FSTL4: variants seen among roughly 807,000 people sequenced by gnomAD.
FSTL4 encodes follistatin-related protein 4.
FSTL4 carries 28 observed loss-of-function variants against 78.2 expected under a neutral mutation model. That is an observed-to-expected ratio of 0.36 (90% CI 0.27 to 0.49). The LOEUF (loss-of-function observed/expected upper bound fraction) is 0.49, where lower values mean the gene tolerates loss of function less well. FSTL4 is among the 20% of genes least tolerant of loss of function. FSTL4 has a pLI of 0.98. For synonymous variants in FSTL4, 422 were observed against 440.5 expected (o/e 0.96, Z 0.53); for missense variants, 922 against 1,084.9 (o/e 0.85, Z 2.11).
At chr5:133,768,287 G>T in the FSTL4 span, among the ~76,000 whole-genome samples, 1 of 152,166 alleles carries the variant, frequency 6.6e-6, no homozygotes. Context: ...TGAACCTCAA[G>T]TGTATACATT....
the FSTL4 span, among the ~76,000 whole-genome samples, chr5:133,802,393 C>G: frequency 6.6e-6 from 1 of 152,192 alleles, no homozygotes; most frequent in African/African-American, 2.4e-5. Context: ...TATCTTCAGA[C>G]ACAGTATCCA....
At chr5:133,592,762 G>A (rs748056845) in intron 2 of FSTL4, among the ~76,000 whole-genome samples, 5 of 151,960 alleles carry the variant, frequency 3.3e-5, no homozygotes, top group East Asian at 1.9e-4. Flanking sequence ...CTCTGTTACC[G>A]TGTGATCTCT....
intron 3 of FSTL4, among the ~76,000 whole-genome samples, chr5:133,406,638 T>G (rs1303346945): frequency 6.6e-6 from 1 of 152,180 alleles, no homozygotes; most frequent in African/African-American, 2.4e-5. Flanking sequence ...GGGATGAGAA[T>G]CTGTAATTCC....
intron 4 of FSTL4, among the ~76,000 whole-genome samples, chr5:133,385,156 G>A (rs768707215): frequency 1.2e-4 from 18 of 152,208 alleles, no homozygotes; most frequent in East Asian, 1.9e-4. Context: ...CCCCGCCACC[G>A]GGCCCTCGAC....
chr5:133,486,527 G>A (rs1758140265), intron 3 of FSTL4, among the ~76,000 whole-genome samples: 1 of 152,160 alleles, frequency 6.6e-6, no homozygotes, highest in African/African-American at 2.4e-5. Flanking sequence ...AACCACATCT[G>A]AAAGCGCATT....
At position 133,361,858 on chromosome 5, in the gene FSTL4, C is replaced by T. The variant is rs1162210188; in HGVS notation, c.409+38880G>A. ...TTTTGCATTGTATAAGACAGTCCTT[C>T]ACAACAATACATTGTCACATGCCCC... On this transcript the variant is annotated intron_variant, in intron 4 of 15. Coordinates refer to ENST00000265342, the MANE Select transcript of FSTL4 (RefSeq NM_015082.2). This position sits in a 1 kb window ranked among gnomAD's most constrained non-coding sequence, Gnocchi z 4.3. Among the ~76,000 whole-genome samples, 3 of 152,210 alleles carry T rather than the reference C, an allele frequency of 2.0e-5. No homozygotes were observed. The highest frequency in any genetic ancestry group is 4.4e-5 in the Non-Finnish European group (3 of 68,046).
intron 3 of FSTL4, among the ~76,000 whole-genome samples, chr5:133,462,653 G>C (rs1161210686): frequency 6.6e-6 from 1 of 152,188 alleles, no homozygotes; most frequent in African/African-American, 2.4e-5. Flanking sequence ...TGCTAAGAAG[G>C]ATTCTGAAGA....
chr5:133,828,660 G>T, the FSTL4 span, among the ~76,000 whole-genome samples: 2 of 152,174 alleles, frequency 1.3e-5, no homozygotes, highest in Non-Finnish European at 2.9e-5. Context: ...GCCCAAGGGG[G>T]ACACCGGACT....
chr5:133,700,977 A>G, the FSTL4 span, among the ~76,000 whole-genome samples: 1 of 152,240 alleles, frequency 6.6e-6, no homozygotes, highest in South Asian at 2.1e-4. Context: ...CTCTCTGCTC[A>G]TTCAGACGCA....
the FSTL4 span, among the ~76,000 whole-genome samples, chr5:133,689,385 T>C: frequency 5.9e-5 from 9 of 152,222 alleles, no homozygotes; most frequent in African/African-American, 2.2e-4. Context: ...TAGAAAACAT[T>C]GCTTGAGGCA....
chr5:133,520,245 A>G (rs1408619538), intron 3 of FSTL4, among the ~76,000 whole-genome samples: 2 of 152,100 alleles, frequency 1.3e-5, no homozygotes, highest in African/African-American at 2.4e-5. Flanking sequence ...TTGTCACAGG[A>G]CACTGGAGGA....
chr5:133,524,394 AGT>A (rs1759046962), intron 3 of FSTL4, among the ~76,000 whole-genome samples: 1 of 152,158 alleles, frequency 6.6e-6, no homozygotes, highest in Non-Finnish European at 1.5e-5. Context: ...ATGACTGAAG[AGT>A]GAAGAGCCAG....
the FSTL4 span, among the ~76,000 whole-genome samples, chr5:133,785,675 A>G: frequency 1.3e-5 from 2 of 152,236 alleles, no homozygotes; most frequent in African/African-American, 4.8e-5. Context: ...GGTTCAGATG[A>G]GAAACACGGG....
At chr5:133,674,607 G>C in the FSTL4 span, among the ~76,000 whole-genome samples, 46 of 148,212 alleles carry the variant, frequency 3.1e-4, no homozygotes, top group African/African-American at 6.3e-4. Context: ...GTGTGTGTGT[G>C]TGTCTGTGTG....
chr5:133,738,817 G>A, the FSTL4 span, among the ~76,000 whole-genome samples: 1 of 152,096 alleles, frequency 6.6e-6, no homozygotes, highest in Admixed American at 6.5e-5. Flanking sequence ...ATGCCATTCT[G>A]GGCCCAGAGC....
the FSTL4 span, among the ~76,000 whole-genome samples, chr5:133,672,767 A>C: frequency 6.6e-6 from 1 of 152,160 alleles, no homozygotes; most frequent in Non-Finnish European, 1.5e-5. Flanking sequence ...TCTGCTTCTC[A>C]TCCCAAGAGA....
At chr5:133,540,216 TTAAAA>T (rs1759437963) in intron 3 of FSTL4, among the ~76,000 whole-genome samples, 1 of 151,814 alleles carries the variant, frequency 6.6e-6, no homozygotes, top group Middle Eastern at 3.4e-3. Flanking sequence ...AGATAATTCC[TTAAAA>T]TAAACACATT....
chr5:133,519,255 C>A (rs778056888), intron 3 of FSTL4, among the ~76,000 whole-genome samples: 2 of 152,342 alleles, frequency 1.3e-5, no homozygotes, highest in Middle Eastern at 3.4e-3. Context: ...CATTTCCACC[C>A]CAGGGCTTCT....
chr5:133,745,730 A>T, the FSTL4 span, among the ~76,000 whole-genome samples: 3 of 152,234 alleles, frequency 2.0e-5, no homozygotes, highest in Non-Finnish European at 4.4e-5. Flanking sequence ...TCCATTTGCT[A>T]AAACTGCCAC....
Sources: allele counts gnomAD v4.1 joint callset (sites outside exome capture counted in the v4.1 genomes callset), GRCh38; gene constraint gnomAD v4.1.1; non-coding constraint Gnocchi (gnomAD v3.1); transcripts MANE v1.5; gene names NCBI Gene and HGNC (gene_info 2026-07-23, HGNC 2026-07-21).